CA12: variants seen among roughly 807,000 people sequenced by gnomAD.
The protein encoded by CA12 is carbonic anhydrase 12.
A neutral mutation model predicts 46.8 loss-of-function variants in CA12; 36 were observed. The ratio of observed to expected loss-of-function variants is 0.77; its 90% CI spans 0.59 to 1.02. The LOEUF (loss-of-function observed/expected upper bound fraction) is 1.02, where lower values mean the gene tolerates loss of function less well. CA12 is among the 50% of genes least tolerant of loss of function. The probability of loss-of-function intolerance (pLI) is 0.00; values close to 1 mark genes in which losing one functional copy is unlikely to be tolerated. For synonymous variants in CA12, 202 were observed against 187.0 expected, an observed-to-expected ratio of 1.08 and a Z score of -0.65; for missense variants, 436 against 451.4, an observed-to-expected ratio of 0.97 and a Z score of 0.31.
chr15:63,349,130 T>C lies in CA12; in HGVS notation c.107-2421A>G, dbSNP rs1022802908. 7.9e-5 allele frequency among the ~76,000 whole-genome samples: 12 copies of C among 152,160 alleles called. 1 individual carries two copies. Among genetic ancestry groups the C allele is most frequent in the Admixed American group, 2.0e-4 (3 of 15,278 alleles). ...GTTATGTTCCCTGCTGGAGCCTCCA[T>C]TGCCCTTCGTGCAAATGGTGGGGGT... On this transcript the variant is annotated intron_variant, in intron 2 of 10. Coordinates refer to ENST00000178638, the MANE Select transcript of CA12 (RefSeq NM_001218.5).
At chr15:63,356,745 G>A (rs2039300919) in intron 2 of CA12, among the ~76,000 whole-genome samples, 1 of 152,072 alleles carries the variant, frequency 6.6e-6, no homozygotes, top group Admixed American at 6.5e-5. Context: ...CTGACTTCAA[G>A]TGATCCACCC....
rs1006068676 is a variant in CA12 at position 63,331,744 on chromosome 15, G to A, written c.875-3614C>T. Reference sequence around the variant, plus strand: ...CCCGGAGAAGGTCGGTGAGCTGCTTGCCACAAGGGCCTTGCTACCTGTTCT... The same window carrying A: ...CCCGGAGAAGGTCGGTGAGCTGCTTACCACAAGGGCCTTGCTACCTGTTCT... On this transcript the variant is annotated intron_variant, in intron 8 of 10. Coordinates refer to ENST00000178638, the MANE Select transcript of CA12 (RefSeq NM_001218.5). This position sits in a 1 kb window ranked among gnomAD's most constrained non-coding sequence, Gnocchi z 5.3. The A allele has an allele frequency of 3.9e-5, 6 of 152,280 alleles. No individual in the cohort carries two copies. Among genetic ancestry groups the A allele is most frequent in the African/African-American group, 1.4e-4 (6 of 41,452 alleles). The allele number at this position is 152,280 out of a possible 1,614,324, so 9.4% of individuals were successfully genotyped here.
chr15:63,371,209 G>A (rs2039501246), intron 2 of CA12, among the ~76,000 whole-genome samples: 1 of 152,220 alleles, frequency 6.6e-6, no homozygotes, highest in Non-Finnish European at 1.5e-5. Context: ...CAGGACAGAA[G>A]GCGGGTGGAG....
chr15:63,326,478 T>C, intron 10 of CA12, 121 bp from the exon 11 acceptor site: 1 of 764,052 alleles, frequency 1.3e-6, no homozygotes, highest in Non-Finnish European at 2.3e-6. Context: ...TTGGGACCTT[T>C]CCCCAATTCT....
chr15:63,342,199 C>G (rs1006366327), intron 4 of CA12, 102 bp from the exon 5 acceptor site: 2 of 760,532 alleles, frequency 2.6e-6, no homozygotes, highest in Non-Finnish European at 4.7e-6. Context: ...GAACCCCAGC[C>G]CCCTCAGCCC....
At chr15:63,375,077 G>A (rs774168713) in intron 2 of CA12, among the ~76,000 whole-genome samples, 14 of 152,272 alleles carry the variant, frequency 9.2e-5, no homozygotes, top group Non-Finnish European at 1.8e-4. Context: ...CTTGGAGACC[G>A]TCCCACAGAA....
In CA12 at chr15:63,339,401, C is replaced by T. The variant is rs181439653; in HGVS notation, c.748-456G>A. ...AAGAGTTTCACAGGCCATCTGATTG[C>T]GGGTTCCATGGCATTTTCATGCACC... On this transcript the variant is annotated intron_variant, in intron 7 of 10. Coordinates refer to ENST00000178638, the MANE Select transcript of CA12 (RefSeq NM_001218.5). The surrounding 1 kb of genome is among the most constrained non-coding windows in gnomAD (Gnocchi z 4.3). 8.5e-5 allele frequency among the ~76,000 whole-genome samples: 13 copies of T among 152,274 alleles called. No individual in the cohort carries two copies. Among genetic ancestry groups the T allele is most frequent in the Admixed American group, 4.6e-4 (7 of 15,302 alleles).
intron 8 of CA12, among the ~76,000 whole-genome samples, chr15:63,333,746 A>G (rs2038964444): frequency 1.3e-5 from 2 of 152,208 alleles, no homozygotes; most frequent in African/African-American, 4.8e-5. Context: ...AGGCTTAAGC[A>G]GATCCTAATT....
chr15:63,327,072 A>C lies in CA12; in HGVS notation c.992+77T>G. The C allele has an allele frequency of 7.4e-7, 1 of 1,356,800 alleles. No individual in the cohort carries two copies. Among genetic ancestry groups the C allele is most frequent in the Non-Finnish European group, 1.1e-6 (1 of 949,960 alleles). The allele number at this position is 1,356,800 out of a possible 1,614,324, so 84.0% of individuals were successfully genotyped here. On this transcript the variant is annotated intron_variant, in intron 10 of 10. Coordinates refer to ENST00000178638, the MANE Select transcript of CA12 (RefSeq NM_001218.5). The surrounding 1 kb of genome is among the most constrained non-coding windows in gnomAD (Gnocchi z 4.5). The stretch of plus-strand genomic sequence containing the variant: ...AGGTGACTGCGGCTCTTCATGCCAC[A>C]AAGCTGCCTTCCCAGGCAGACTAAT...
At chr15:63,358,779 G>A (rs2039323580) in intron 2 of CA12, among the ~76,000 whole-genome samples, 1 of 152,092 alleles carries the variant, frequency 6.6e-6, no homozygotes, top group African/African-American at 2.4e-5. Flanking sequence ...CCTCGGCCGA[G>A]CATCTTCAAA....
chr15:63,336,884 C>T (rs1213792211), intron 8 of CA12, among the ~76,000 whole-genome samples: 2 of 152,048 alleles, frequency 1.3e-5, no homozygotes, highest in East Asian at 1.9e-4. Flanking sequence ...CCTGGGATCG[C>T]GAGCAAAATT....
At position 63,328,087 on chromosome 15, in the gene CA12, C is replaced by A. The variant is rs1323841876; in HGVS notation, c.907+11G>T. 1 of 1,613,664 alleles carries A rather than the reference C, an allele frequency of 6.2e-7. No individual in the cohort carries two copies. The highest frequency in any genetic ancestry group is 2.2e-5 in the East Asian group (1 of 44,882). On this transcript the variant is annotated intron_variant, in intron 9 of 10. Transcript: ENST00000178638. The surrounding 1 kb of genome is among the most constrained non-coding windows in gnomAD (Gnocchi z 5.9). Reference sequence around the variant, plus strand: ...GCTGCAGCATGCACGGCTGGCTGCCCAGCCACATACCCAGACTCAGTCCTG... The same window carrying A: ...GCTGCAGCATGCACGGCTGGCTGCCAAGCCACATACCCAGACTCAGTCCTG...
rs995593256 is a variant in CA12, at chr15:63,378,374, C to T, written c.86-2696G>A. On this transcript the variant is annotated intron_variant, in intron 1 of 10. Transcript: ENST00000178638. This position sits in a 1 kb window ranked among gnomAD's most constrained non-coding sequence, Gnocchi z 4.8. ...TTGCACTCCAGAATGGGTGACAGAG[C>T]GAGACTCTGTCTCAAAAAAAAAATT... 2.6e-5 allele frequency among the ~76,000 whole-genome samples: 4 copies of T among 151,762 alleles called. No individual in the cohort carries two copies. The highest frequency in any genetic ancestry group is 4.4e-5 in the Non-Finnish European group (3 of 67,920).
intron 2 of CA12, among the ~76,000 whole-genome samples, chr15:63,367,024 C>T (rs755226739): frequency 3.3e-5 from 5 of 151,724 alleles, no homozygotes; most frequent in Non-Finnish European, 7.4e-5. Context: ...TAGGTTCCAG[C>T]GATTCTCCTG....
In CA12 at chr15:63,373,687, T is replaced by C. The variant is rs547090073; in HGVS notation, c.106+1971A>G. Among the ~76,000 whole-genome samples, 607 of 152,306 alleles carry C rather than the reference T, an allele frequency of 4.0e-3. 3 individuals are homozygous for C. The highest frequency in any genetic ancestry group is 5.5e-3 in the Non-Finnish European group (377 of 68,028). ...GCCCAAGGCCTAGAAATCTGCATTT[T>C]GGGGAAGTATTCCAGGTGATCCTGA... is the stretch of plus-strand genomic sequence containing the variant. On this transcript the variant is annotated intron_variant, in intron 2 of 10. Transcript: ENST00000178638. The surrounding 1 kb of genome is among the most constrained non-coding windows in gnomAD (Gnocchi z 4.9).
rs532158075 is a variant in CA12 at position 63,341,296 on chromosome 15, G to A, written c.526-513C>T. On this transcript the variant is annotated intron_variant, in intron 5 of 10. Coordinates refer to ENST00000178638, the MANE Select transcript of CA12 (RefSeq NM_001218.5). This position sits in a 1 kb window ranked among gnomAD's most constrained non-coding sequence, Gnocchi z 5.2. ...AGCCCCCAGGCTGTGGACCAGTACC[G>A]GTCTGTGGCCTGTTAGGAACTGGGC... 1.7e-4 allele frequency among the ~76,000 whole-genome samples: 26 copies of A among 152,156 alleles called. 1 individual carries two copies. The East Asian group carries it at 1.7e-3, about 10-fold the overall frequency.
intron 4 of CA12, among the ~76,000 whole-genome samples, chr15:63,344,804 C>T (rs1450336337): frequency 6.6e-6 from 1 of 152,140 alleles, no homozygotes. Context: ...TTGCCCCACC[C>T]CATCCTGCAA....
At chr15:63,375,811 C>CT (rs200331670) in intron 1 of CA12, 133 bp from the exon 2 acceptor site, 50,538 of 488,706 alleles carry the variant, frequency 0.1, 7 homozygotes, top group East Asian at 0.14. Context: ...TTTTCTTTTT[C>CT]TTTTTTTTTT....
intron 2 of CA12, among the ~76,000 whole-genome samples, chr15:63,368,615 G>C (rs2039464534): frequency 6.6e-6 from 1 of 152,186 alleles, no homozygotes; most frequent in Admixed American, 6.5e-5. Flanking sequence ...GTTGCCAAAA[G>C]CTCTGGCCAG....
Sources: gnomAD v4.1 joint callset for allele counts (sites outside exome capture counted in the v4.1 genomes callset) on GRCh38, gnomAD v4.1.1 for gene constraint, Gnocchi (gnomAD v3.1) non-coding constraint, MANE v1.5 for transcripts, NCBI Gene and HGNC (gene_info 2026-07-23, HGNC 2026-07-21) for gene names.